The following CAMTA1 variants were observed in gnomAD, a reference collection of about 807,000 sequenced individuals.
The protein encoded by CAMTA1 is calmodulin-binding transcription activator 1.
A neutral mutation model predicts 170.9 loss-of-function variants in CAMTA1; 27 were observed. That is an observed-to-expected ratio of 0.16 (90% CI 0.12 to 0.22). CAMTA1 has a LOEUF of 0.22. Ranked by LOEUF, CAMTA1 falls within the 10% of genes least tolerant of loss-of-function variation. CAMTA1 has a pLI of 1.00. For synonymous variants in CAMTA1, 833 were observed against 891.5 expected (o/e 0.93, Z 1.17); for missense variants, 1,619 against 2,217.2 (o/e 0.73, Z 5.42).
chr1:7,574,259 C>T (rs546132059), intron 6 of CAMTA1, among the ~76,000 whole-genome samples: 1 of 152,234 alleles, frequency 6.6e-6, no homozygotes, highest in South Asian at 2.1e-4. Flanking sequence ...TGGTCCTGTG[C>T]ACCTGCCAAA....
intron 5 of CAMTA1, among the ~76,000 whole-genome samples, chr1:7,372,913 G>A (rs2086584586): frequency 6.6e-6 from 1 of 152,186 alleles, no homozygotes; most frequent in Non-Finnish European, 1.5e-5. Flanking sequence ...GAGCAAAGGG[G>A]CCAGGCCCCA....
At chr1:7,127,285 G>A (rs180824364) in intron 4 of CAMTA1, among the ~76,000 whole-genome samples, 7 of 118,524 alleles carry the variant, frequency 5.9e-5, no homozygotes, top group Middle Eastern at 5.6e-3. Context: ...GCCGGAAGCC[G>A]TTCCTTTAGG....
chr1:7,440,694 T>C (rs1031667698), intron 5 of CAMTA1, among the ~76,000 whole-genome samples: 3 of 152,194 alleles, frequency 2.0e-5, no homozygotes, highest in African/African-American at 7.2e-5. Flanking sequence ...TGGTCCTGCC[T>C]GCTTGGAGCC....
intron 5 of CAMTA1, among the ~76,000 whole-genome samples, chr1:7,335,301 G>A (rs1003063578): frequency 7.2e-5 from 11 of 152,194 alleles, no homozygotes; most frequent in African/African-American, 2.4e-4. Flanking sequence ...AATGAGGAAT[G>A]TCATGGGTAT....
intron 7 of CAMTA1, among the ~76,000 whole-genome samples, chr1:7,660,976 C>T (rs1189746095): frequency 6.6e-6 from 1 of 152,198 alleles, no homozygotes; most frequent in African/African-American, 2.4e-5. Flanking sequence ...ACTTCCAGCC[C>T]CCATCCTGCC....
chr1:7,402,480 A>G (rs1207061308), intron 5 of CAMTA1, among the ~76,000 whole-genome samples: 1 of 152,174 alleles, frequency 6.6e-6, no homozygotes, highest in Non-Finnish European at 1.5e-5. Context: ...GGGGTTAGAT[A>G]TCTGTCCCAT....
chr1:7,625,036 G>A (rs1228838707), intron 6 of CAMTA1, among the ~76,000 whole-genome samples: 1 of 152,198 alleles, frequency 6.6e-6, no homozygotes, highest in African/African-American at 2.4e-5. Context: ...TGAGCCAAGA[G>A]GGGTGAGAAG....
Position 7,477,518 on chromosome 1 carries a change from C to T in CAMTA1, c.510+9617C>T, listed in dbSNP as rs2093440137. Among the ~76,000 whole-genome samples the T allele has an allele frequency of 2.0e-5, 3 of 152,340 alleles. No individual in the cohort carries two copies. In the South Asian group the frequency reaches 6.2e-4, roughly 32 times the overall value. On this transcript the variant is annotated intron_variant, in intron 6 of 22. Coordinates refer to ENST00000303635, the MANE Select transcript of CAMTA1 (RefSeq NM_015215.4). ...ACGGCAGAGCGGACAGTATTTCCCGCTCAGACATCTTTGCCTGATTGCAGT... is the reference window on the plus strand; with the variant it reads ...ACGGCAGAGCGGACAGTATTTCCCGTTCAGACATCTTTGCCTGATTGCAGT...
chr1:6,851,963 A>G (rs1381550665), intron 3 of CAMTA1, among the ~76,000 whole-genome samples: 1 of 151,754 alleles, frequency 6.6e-6, no homozygotes, highest in Non-Finnish European at 1.5e-5. Flanking sequence ...GCAGTGAGCC[A>G]AGATCCCACC....
In CAMTA1 at chr1:7,532,693, C is replaced by G. The variant is rs2094505511; in HGVS notation, c.510+64792C>G. Among the ~76,000 whole-genome samples the G allele has an allele frequency of 6.6e-6, 1 of 152,230 alleles. No homozygotes were observed. The highest frequency in any genetic ancestry group is 2.1e-4 in the South Asian group (1 of 4,830). On this transcript the variant is annotated intron_variant, in intron 6 of 22. Coordinates refer to ENST00000303635, the MANE Select transcript of CAMTA1 (RefSeq NM_015215.4). The surrounding 1 kb of genome is among the most constrained non-coding windows in gnomAD (Gnocchi z 4.2). ...GGAGTTGAAGGCAGTACCTGCCTCC[C>G]CATCAGCCTGGTAGTGACTGTTTAC...
chr1:7,444,173 A>G (rs962702247), intron 5 of CAMTA1, among the ~76,000 whole-genome samples: 1 of 152,224 alleles, frequency 6.6e-6, no homozygotes, highest in African/African-American at 2.4e-5. Context: ...TTATTAAAAG[A>G]GTTACCATCT....
At chr1:7,413,874 T>C (rs2090972030) in intron 5 of CAMTA1, among the ~76,000 whole-genome samples, 1 of 152,198 alleles carries the variant, frequency 6.6e-6, no homozygotes, top group African/African-American at 2.4e-5. Context: ...GCCCATTCAG[T>C]ATGATATTGG....
intron 5 of CAMTA1, among the ~76,000 whole-genome samples, chr1:7,338,978 CA>C (rs1351406966): frequency 6.6e-6 from 1 of 152,070 alleles, no homozygotes; most frequent in Non-Finnish European, 1.5e-5. Context: ...ATGCCTGGAG[CA>C]GGAGGATGAG....
chr1:7,686,556 A>T (rs2096259999), intron 11 of CAMTA1, among the ~76,000 whole-genome samples: 1 of 152,088 alleles, frequency 6.6e-6, no homozygotes, highest in Non-Finnish European at 1.5e-5. Flanking sequence ...AGCAGAGGCC[A>T]CATGGGATGC....
At chr1:7,340,564 C>CCCTCCCTT (rs1296158393) in intron 5 of CAMTA1, among the ~76,000 whole-genome samples, 1 of 143,396 alleles carries the variant, frequency 7.0e-6, no homozygotes, top group Non-Finnish European at 1.5e-5. Flanking sequence ...CTCCCTCCCT[C>CCCTCCCTT]CCTTCCTTCC....
At chr1:7,024,938 T>C (rs1187267172) in intron 3 of CAMTA1, among the ~76,000 whole-genome samples, 1 of 152,154 alleles carries the variant, frequency 6.6e-6, no homozygotes, top group African/African-American at 2.4e-5. Flanking sequence ...GTATGGTGGC[T>C]GTATGGATAA....
At chr1:7,242,080 T>A (rs1284109361) in intron 4 of CAMTA1, among the ~76,000 whole-genome samples, 1 of 152,174 alleles carries the variant, frequency 6.6e-6, no homozygotes, top group African/African-American at 2.4e-5. Context: ...ATCTAGATTA[T>A]ATGTAAAGAG....
chr1:7,032,835 A>T (rs975580468), intron 3 of CAMTA1, among the ~76,000 whole-genome samples: 3 of 151,962 alleles, frequency 2.0e-5, no homozygotes, highest in African/African-American at 7.3e-5. Flanking sequence ...TTCTAGGTTG[A>T]TAGTTTTTGT....
chr1:7,526,369 G>A (rs919290999), intron 6 of CAMTA1, among the ~76,000 whole-genome samples: 24 of 151,998 alleles, frequency 1.6e-4, no homozygotes, highest in African/African-American at 5.6e-4. Context: ...TCCTAAGCCC[G>A]TGGCTACTGC....
Sources: gnomAD v4.1 joint callset for allele counts (sites outside exome capture counted in the v4.1 genomes callset) on GRCh38, gnomAD v4.1.1 for gene constraint, Gnocchi (gnomAD v3.1) non-coding constraint, MANE v1.5 for transcripts, NCBI Gene and HGNC (gene_info 2026-07-23, HGNC 2026-07-21) for gene names.